KIFC3: variants seen among roughly 807,000 people sequenced by gnomAD.
KIFC3 encodes kinesin-like protein KIFC3.
In KIFC3, 60 loss-of-function variants were observed where a neutral mutation model predicts 101.8. The observed-to-expected ratio is 0.59, with a 90% CI of 0.48 to 0.73. KIFC3 has a LOEUF of 0.73. Among genes scored for constraint, KIFC3 ranks in the 30% least tolerant of loss-of-function variants. The probability of loss-of-function intolerance (pLI) is 0.00; values close to 1 mark genes in which losing one functional copy is unlikely to be tolerated. For synonymous variants in KIFC3, 476 were observed against 482.7 expected (o/e 0.99, Z 0.18); for missense variants, 966 against 1,137.1 (o/e 0.85, Z 2.16).
At position 57,758,394 on chromosome 16, in the gene KIFC3, G is replaced by T. The variant is rs1014747909; in HGVS notation, c.*540C>A. The T allele has an allele frequency of 5.2e-5, 18 of 347,556 alleles. No homozygotes were observed. The highest frequency in any genetic ancestry group is 1.7e-5 in the Non-Finnish European group (3 of 177,578). The allele number at this position is 347,556 out of a possible 1,614,324, so 21.5% of individuals were successfully genotyped here. A position where few individuals can be genotyped will look rare whatever the true frequency, so the allele number is the denominator to read the frequency against. On this transcript the variant is annotated 3_prime_UTR_variant, in exon 20 of 20. Transcript: ENST00000445690. ...CCAGCCATAAACACAGCACGGCCCCGTGGCGGGAGGCCATGCGCCTCCGCA... is the reference window on the plus strand; with the variant it reads ...CCAGCCATAAACACAGCACGGCCCCTTGGCGGGAGGCCATGCGCCTCCGCA...
chr16:57,827,024 G>A (rs1326401376), intron 1 of KIFC3, among the ~76,000 whole-genome samples: 1 of 152,190 alleles, frequency 6.6e-6, no homozygotes, highest in South Asian at 2.1e-4. Context: ...CAACTCACAC[G>A]CTCAGTTAGG....
Position 57,764,283 on chromosome 16 carries a change from C to A in KIFC3, c.1513-36G>T, listed in dbSNP as rs199685653. ...GGTGGGAGGGAGGCTGGTGGGGGGG[C>A]TTCCAGGGCCGCTGGGACCACCAGC... On this transcript the variant is annotated intron_variant, in intron 11 of 19. Coordinates refer to ENST00000445690, the MANE Select transcript of KIFC3 (RefSeq NM_001130100.2). 98 of 1,248,794 alleles carry A rather than the reference C, an allele frequency of 7.8e-5. 1 individual carries two copies. In the African/African-American group the frequency reaches 1.1e-3, roughly 13 times the overall value. 77.4% of individuals were successfully genotyped at this position (1,248,794 alleles called of 1,614,324 possible). A position where few individuals can be genotyped will look rare whatever the true frequency, so the allele number is the denominator to read the frequency against.
At chr16:57,762,006 G>A in intron 13 of KIFC3, 134 bp downstream of exon 13, 1 of 1,159,534 alleles carries the variant, frequency 8.6e-7, no homozygotes. Flanking sequence ...CACCACCCCT[G>A]AGGATCCCAA....
intron 1 of KIFC3, among the ~76,000 whole-genome samples, chr16:57,822,222 C>G (rs2055364658): frequency 6.6e-6 from 1 of 152,216 alleles, no homozygotes; most frequent in African/African-American, 2.4e-5. Flanking sequence ...TCAGGCAAGC[C>G]TCTTAACCTC....
chr16:57,837,673 C>T (rs1378778241), intron 1 of KIFC3, among the ~76,000 whole-genome samples: 3 of 152,120 alleles, frequency 2.0e-5, no homozygotes, highest in Non-Finnish European at 4.4e-5. Context: ...TGTGGGCAGA[C>T]ATGTGTCCTC....
intron 18 of KIFC3, chr16:57,759,505 C>G: frequency 1.7e-6 from 1 of 581,970 alleles, no homozygotes; most frequent in Non-Finnish European, 3.0e-6. Flanking sequence ...TCTCCTTACA[C>G]TGCCCCCTTC....
chr16:57,773,191 C>T (rs2051513631), intron 3 of KIFC3, among the ~76,000 whole-genome samples: 1 of 152,220 alleles, frequency 6.6e-6, no homozygotes, highest in African/African-American at 2.4e-5. Flanking sequence ...GAGCAACCCC[C>T]ACCTCGGGAA....
chr16:57,815,460 G>T, intron 1 of KIFC3: 1 of 1,206,564 alleles, frequency 8.3e-7, no homozygotes, highest in Non-Finnish European at 1.1e-6. Context: ...CCGAGGGGCT[G>T]CTTACAAGAC....
At chr16:57,837,046 A>G (rs77825191) in intron 1 of KIFC3, among the ~76,000 whole-genome samples, 4,466 of 152,202 alleles carry the variant, frequency 0.029, 221 homozygotes, top group African/African-American at 0.1. Flanking sequence ...ATTAGAAACC[A>G]GTGCATATAG....
chr16:57,823,490 T>G (rs1053868277), intron 1 of KIFC3, among the ~76,000 whole-genome samples: 1 of 152,210 alleles, frequency 6.6e-6, no homozygotes, highest in Non-Finnish European at 1.5e-5. Flanking sequence ...GATTGAGACC[T>G]GTCTCAGATA....
intron 1 of KIFC3, among the ~76,000 whole-genome samples, chr16:57,848,710 A>G (rs2055989491): frequency 6.6e-6 from 1 of 152,192 alleles, no homozygotes; most frequent in Non-Finnish European, 1.5e-5. Flanking sequence ...TCTTGCTAAA[A>G]GGAAGCCCTA....
chr16:57,818,357 G>A (rs1211219104), intron 1 of KIFC3, among the ~76,000 whole-genome samples: 1 of 152,068 alleles, frequency 6.6e-6, no homozygotes, highest in Non-Finnish European at 1.5e-5. Flanking sequence ...TAGCTAACAA[G>A]AGGAAGGTCT....
intron 3 of KIFC3, chr16:57,774,809 G>A: frequency 2.6e-6 from 3 of 1,161,530 alleles, no homozygotes; most frequent in Non-Finnish European, 3.4e-6. Context: ...TTACCGTTGT[G>A]AGCCCCTGCG....
intron 17 of KIFC3, 122 bp from the exon 18 acceptor site, chr16:57,759,958 G>A: frequency 1.4e-6 from 1 of 706,196 alleles, no homozygotes; most frequent in Middle Eastern, 3.8e-4. Context: ...TGCAAAATGG[G>A]CATGATGTTT....
At chr16:57,812,706 G>A (rs1055897427) in intron 1 of KIFC3, among the ~76,000 whole-genome samples, 14 of 152,220 alleles carry the variant, frequency 9.2e-5, no homozygotes, top group African/African-American at 3.4e-4. Context: ...GCTCAGACAG[G>A]GAGGGCCTGG....
rs1555605124 is a variant in KIFC3, at chr16:57,769,025, C to T, written c.1218+570G>A. Among the ~76,000 whole-genome samples, 3 of 152,072 alleles carry T rather than the reference C, an allele frequency of 2.0e-5. No individual in the cohort carries two copies. Among genetic ancestry groups the T allele is most frequent in the African/African-American group, 7.2e-5 (3 of 41,414 alleles). ...TAATAAATAATTTTTTTAAAAAATA[C>T]GTATGTAGCATGTTTTTTGTTTGTT... On this transcript the variant is annotated intron_variant, in intron 9 of 19. Transcript: ENST00000445690. The surrounding 1 kb of genome is among the most constrained non-coding windows in gnomAD (Gnocchi z 4.3).
chr16:57,761,515 A>C lies in KIFC3; in HGVS notation c.1770T>G (p.Pro590=). 6.2e-7 allele frequency: 1 copy of C among 1,613,576 alleles called. No individual in the cohort carries two copies. The change falls in exon 14 of 20, where the codon CCT becomes CCG. Residue 590 remains proline, a synonymous_variant. Transcript: ENST00000445690. Reference sequence around the variant, plus strand: ...ACAGCCGGATCTCCAGTTTTTCCTGAGGCTCTTTCCCTAGCAGGTCCCTGG... The same window carrying C: ...ACAGCCGGATCTCCAGTTTTTCCTGCGGCTCTTTCCCTAGCAGGTCCCTGG... ...EVLRDLLGKE[P]QEKLEIRLCP...
In KIFC3 at chr16:57,758,854, C is replaced by G. The variant is rs377269498; in HGVS notation, c.*80G>C. On this transcript the variant is annotated 3_prime_UTR_variant, in exon 20 of 20. Coordinates refer to ENST00000445690, the MANE Select transcript of KIFC3 (RefSeq NM_001130100.2). ...GCAGCAGGGACAGGCCAGTGAGGGC[C>G]CAGCTTCAGGCCCAGCGGGGTCACA... 5.6e-6 allele frequency: 9 copies of G among 1,609,176 alleles called. No individual in the cohort carries two copies. Among genetic ancestry groups the G allele is most frequent in the Non-Finnish European group, 7.6e-6 (9 of 1,177,986 alleles).
intron 1 of KIFC3, chr16:57,810,693 G>T (rs1410246730): frequency 1.0e-6 from 1 of 985,368 alleles, no homozygotes; most frequent in Non-Finnish European, 1.2e-6. Context: ...TCAGCAATGG[G>T]CTGAGGGACA....
Sources: gnomAD v4.1 joint callset for allele counts (sites outside exome capture counted in the v4.1 genomes callset) on GRCh38, gnomAD v4.1.1 for gene constraint, Gnocchi (gnomAD v3.1) non-coding constraint, MANE v1.5 for transcripts, NCBI Gene and HGNC (gene_info 2026-07-23, HGNC 2026-07-21) for gene names.